SDF4: variants seen among roughly 807,000 people sequenced by gnomAD.
SDF4 encodes the protein stromal cell derived factor 4.
In SDF4, 22 loss-of-function variants were observed where a neutral mutation model predicts 34.2. The ratio of observed to expected loss-of-function variants is 0.64; its 90% CI spans 0.46 to 0.92. The LOEUF is 0.92. SDF4 is among the 40% of genes least tolerant of loss of function. The pLI, the probability that SDF4 is intolerant of heterozygous loss-of-function variation, is 0.00. For synonymous variants in SDF4, 236 were observed against 203.1 expected (o/e 1.16, Z -1.38); for missense variants, 447 against 499.9 (o/e 0.89, Z 1.01).
At chr1:1,224,793 G>A (rs1638241912) in intron 2 of SDF4, among the ~76,000 whole-genome samples, 1 of 152,156 alleles carries the variant, frequency 6.6e-6, no homozygotes, top group African/African-American at 2.4e-5. Context: ...GTGCACCTGT[G>A]GTTTCAGCTA....
chr1:1,223,028 C>T (rs1352215935), intron 4 of SDF4: 9 of 581,236 alleles, frequency 1.5e-5, no homozygotes, highest in South Asian at 2.0e-5. Flanking sequence ...CATGTACTCA[C>T]GAGCACACAC....
At chr1:1,219,814 G>T (rs1033581179) in intron 4 of SDF4, 4 of 985,836 alleles carry the variant, frequency 4.1e-6, no homozygotes, top group Non-Finnish European at 4.8e-6. Flanking sequence ...CCCCCTGCAC[G>T]TGAGGCCCGA....
chr1:1,218,928 C>A lies in SDF4; in HGVS notation c.557-1G>T. Reference sequence around the variant, plus strand: ...TTCAGGTTCTCCAGGACTTCCTGTGCTGAGAGGGGCGCAGCCTGTGGGTAT... The same window carrying A: ...TTCAGGTTCTCCAGGACTTCCTGTGATGAGAGGGGCGCAGCCTGTGGGTAT... On this transcript the variant is annotated splice_acceptor_variant, in intron 4 of 6. Transcript: ENST00000360001. LOFTEE classifies it high-confidence loss of function. This position sits in a 1 kb window ranked among gnomAD's most constrained non-coding sequence, Gnocchi z 7.9. The A allele has an allele frequency of 6.2e-7, 1 of 1,608,844 alleles. No individual in the cohort carries two copies. The highest frequency in any genetic ancestry group is 8.5e-7 in the Non-Finnish European group (1 of 1,177,668).
In SDF4 at chr1:1,217,753, C is replaced by T. The variant is rs1315310311; in HGVS notation, c.892-65G>A. 3.7e-6 allele frequency: 6 copies of T among 1,607,102 alleles called. No homozygotes were observed. The highest frequency in any genetic ancestry group is 1.7e-5 in the Admixed American group (1 of 59,736). ...CCTCCGAGCTCCGCGGCCAGCCGCA[C>T]GAAGTGGCTATTTAAGGTGCCTATT... On this transcript the variant is annotated intron_variant, in intron 6 of 6. Coordinates refer to ENST00000360001, the MANE Select transcript of SDF4 (RefSeq NM_016176.6). The surrounding 1 kb of genome is among the most constrained non-coding windows in gnomAD (Gnocchi z 8.5).
intron 4 of SDF4, 122 bp downstream of exon 4, chr1:1,223,122 C>T: frequency 2.8e-6 from 2 of 719,778 alleles, no homozygotes; most frequent in South Asian, 3.2e-5. Flanking sequence ...CACACACGTA[C>T]TCACGAGCAC....
intron 4 of SDF4, chr1:1,220,897 G>A: frequency 1.9e-6 from 1 of 521,420 alleles, no homozygotes; most frequent in Non-Finnish European, 3.3e-6. Context: ...CGCGGGACCG[G>A]GGTGGAGGCA....
chr1:1,224,240 C>T (rs905895544), intron 2 of SDF4, among the ~76,000 whole-genome samples: 2 of 152,144 alleles, frequency 1.3e-5, no homozygotes, highest in Non-Finnish European at 2.9e-5. Flanking sequence ...ACCACCAGAC[C>T]CCACTCTCCA....
rs1007239065 is a variant in SDF4, at chr1:1,218,547, C to G, written c.802G>C (p.Asp268His). 5 of 1,613,986 alleles carry G rather than the reference C, an allele frequency of 3.1e-6. No homozygotes were observed. The highest frequency in any genetic ancestry group is 4.2e-6 in the Non-Finnish European group (5 of 1,179,960). Residue 268 changes from aspartate (D) to histidine (H), a missense_variant, in exon 6 of 7, where the codon GAC becomes CAC. By Grantham distance (81) the Asp-to-His change is moderately conservative. Coordinates refer to ENST00000360001, the MANE Select transcript of SDF4 (RefSeq NM_016176.6). The surrounding 1 kb of genome is among the most constrained non-coding windows in gnomAD (Gnocchi z 7.9). ...TVENQQGQDI[D>H]DNWVKDRKKE... The stretch of plus-strand genomic sequence containing the variant: ...TTTCTGTCTTTCACCCAGTTGTCGT[C>G]AATGTCCTGGCCCTGCTGGTTCTCC...
In SDF4 at chr1:1,218,848, C is replaced by T; in HGVS notation, c.636G>A (p.Glu212=). Residue 212 remains glutamate (E), a synonymous_variant, in exon 5 of 7, where the codon GAG becomes GAA. Transcript: ENST00000360001. The surrounding 1 kb of genome is among the most constrained non-coding windows in gnomAD (Gnocchi z 7.9). ...SPPADLLLTE[E]EFLSFLHPEH... ...CGGGGTGGAGGAACGACAGGAACTC[C>T]TCCTCCGTCAGCAGCAGGTCTGCAG... The T allele has an allele frequency of 6.3e-7, 1 of 1,599,430 alleles. No homozygotes were observed. The highest frequency in any genetic ancestry group is 8.5e-7 in the Non-Finnish European group (1 of 1,169,970).
intron 2 of SDF4, among the ~76,000 whole-genome samples, chr1:1,225,993 G>A (rs1242799474): frequency 6.6e-6 from 1 of 152,226 alleles, no homozygotes; most frequent in African/African-American, 2.4e-5. Flanking sequence ...CGTGTACACA[G>A]CACACACACG....
At chr1:1,231,154 G>A (rs1253947652) in intron 1 of SDF4, among the ~76,000 whole-genome samples, 3 of 152,202 alleles carry the variant, frequency 2.0e-5, no homozygotes. Flanking sequence ...CCATCAAGTG[G>A]CGCTTCCTCT....
intron 2 of SDF4, 127 bp from the exon 3 acceptor site, chr1:1,224,095 C>A (rs1023026261): frequency 3.1e-5 from 46 of 1,500,772 alleles, no homozygotes; most frequent in Admixed American, 2.0e-5. Context: ...ACAGGCTCCA[C>A]CAGGCAACGC....
In SDF4 at chr1:1,228,856, G is replaced by T; in HGVS notation, c.-84C>A. ...GGCAGGGGCAGGGGCAGAGGAGGAA[G>T]TGAGGTCCTGGCTCCAATCCAATCC... On this transcript the variant is annotated 5_prime_UTR_variant, in exon 2 of 7. Coordinates refer to ENST00000360001, the MANE Select transcript of SDF4 (RefSeq NM_016176.6). 7.7e-7 allele frequency: 1 copy of T among 1,300,006 alleles called. No homozygotes were observed. Among genetic ancestry groups the T allele is most frequent in the Non-Finnish European group, 1.1e-6 (1 of 951,164 alleles). 80.5% of individuals were successfully genotyped at this position (1,300,006 alleles called of 1,614,324 possible). A position where few individuals can be genotyped will look rare whatever the true frequency, so the allele number is the denominator to read the frequency against.
At position 1,217,849 on chromosome 1, in the gene SDF4, C is replaced by T; in HGVS notation, c.892-161G>A. The stretch of plus-strand genomic sequence containing the variant: ...AGGCGGCACAAATGAAAACACAGGG[C>T]AGGGAGAAGCCGGGGGCCCCGGAAG... On this transcript the variant is annotated intron_variant, in intron 6 of 6. Coordinates refer to ENST00000360001, the MANE Select transcript of SDF4 (RefSeq NM_016176.6). The surrounding 1 kb of genome is among the most constrained non-coding windows in gnomAD (Gnocchi z 8.5). 1 of 1,507,452 alleles carries T rather than the reference C, an allele frequency of 6.6e-7. No individual in the cohort carries two copies. The highest frequency in any genetic ancestry group is 8.8e-7 in the Non-Finnish European group (1 of 1,134,346). 93.4% of individuals were successfully genotyped at this position (1,507,452 alleles called of 1,614,324 possible).
At chr1:1,222,841 G>A (rs1328947539) in intron 4 of SDF4, among the ~76,000 whole-genome samples, 1 of 152,256 alleles carries the variant, frequency 6.6e-6, no homozygotes, top group African/African-American at 2.4e-5. Context: ...ATGCTGTTAA[G>A]ACGAACACGT....
chr1:1,227,968 CG>C (rs1457616768), intron 2 of SDF4, among the ~76,000 whole-genome samples: 5 of 152,188 alleles, frequency 3.3e-5, no homozygotes, highest in Admixed American at 6.5e-5. Flanking sequence ...CCCCAGCCTG[CG>C]TGTGATACGC....
chr1:1,219,825 C>T, intron 4 of SDF4: 4 of 985,916 alleles, frequency 4.1e-6, no homozygotes, highest in Non-Finnish European at 4.8e-6. Flanking sequence ...TGAGGCCCGA[C>T]TCTGCCCTGG....
intron 4 of SDF4, among the ~76,000 whole-genome samples, chr1:1,222,078 C>T (rs566297539): frequency 6.6e-6 from 1 of 152,378 alleles, no homozygotes; most frequent in South Asian, 2.1e-4. Context: ...CCCCGTATCA[C>T]GTGACCAGTC....
At chr1:1,231,673 G>A (rs984380489) in intron 1 of SDF4, among the ~76,000 whole-genome samples, 1 of 152,184 alleles carries the variant, frequency 6.6e-6, no homozygotes, top group Non-Finnish European at 1.5e-5. Flanking sequence ...CAGACGTGCC[G>A]GCGGCCGGGG....
Sources: allele counts gnomAD v4.1 joint callset (sites outside exome capture counted in the v4.1 genomes callset), GRCh38; gene constraint gnomAD v4.1.1; non-coding constraint Gnocchi (gnomAD v3.1); transcripts MANE v1.5; gene names NCBI Gene and HGNC (gene_info 2026-07-23, HGNC 2026-07-21).